DNAH6: variants seen among roughly 807,000 people sequenced by gnomAD.
DNAH6 encodes the protein axonemal beta dynein heavy chain 6.
A neutral mutation model predicts 491.4 loss-of-function variants in DNAH6; 340 were observed. That is an observed-to-expected ratio of 0.69 (90% CI 0.63 to 0.76). DNAH6 has a LOEUF of 0.76. Ranked by LOEUF, DNAH6 falls within the 30% of genes least tolerant of loss-of-function variation. The probability of loss-of-function intolerance (pLI) is 0.00; values close to 1 mark genes in which losing one functional copy is unlikely to be tolerated. For missense variants in DNAH6, 4,443 were observed against 4,972.2 expected (o/e 0.89, Z 3.20); for synonymous variants, 1,603 against 1,686.1 (o/e 0.95, Z 1.21).
chr2:84,556,143 T>C (rs1413757077), intron 10 of DNAH6, among the ~76,000 whole-genome samples: 1 of 152,216 alleles, frequency 6.6e-6, no homozygotes, highest in Non-Finnish European at 1.5e-5. Flanking sequence ...GATATACATT[T>C]GTATATTAAC....
At chr2:84,759,602 G>A (rs1429186238) in intron 63 of DNAH6, among the ~76,000 whole-genome samples, 1 of 151,980 alleles carries the variant, frequency 6.6e-6, no homozygotes, top group East Asian at 1.9e-4. Flanking sequence ...AAACACTGAA[G>A]AAAGAAATTG....
chr2:84,669,396 A>AT lies in DNAH6; in HGVS notation c.6198dup (p.Glu2067Ter). ...CTTTCAAATACAACCGAGATGTTCCATTTTTTGAAATGCTTGTCCCCACAA... is the reference window on the plus strand; with the variant it reads ...CTTTCAAATACAACCGAGATGTTCCATTTTTTTGAAATGCTTGTCCCCACAA... On this transcript the variant is annotated frameshift_variant, in exon 38 of 77. Transcript: ENST00000389394. LOFTEE classifies it high-confidence loss of function. 1 of 1,552,018 alleles carries AT rather than the reference A, an allele frequency of 6.4e-7. No homozygotes were observed. Among genetic ancestry groups the AT allele is most frequent in the Non-Finnish European group, 8.7e-7 (1 of 1,147,034 alleles).
intron 31 of DNAH6, among the ~76,000 whole-genome samples, chr2:84,639,090 A>T (rs939463897): frequency 1.3e-5 from 2 of 152,150 alleles, no homozygotes; most frequent in Non-Finnish European, 2.9e-5. Context: ...AAACATCCAA[A>T]CTATGTCAAT....
At chr2:84,518,370 C>T (rs1015783727) in intron 2 of DNAH6, among the ~76,000 whole-genome samples, 2 of 152,124 alleles carry the variant, frequency 1.3e-5, no homozygotes, top group African/African-American at 4.8e-5. Context: ...CCATTTAACA[C>T]TGAGAAGTTT....
chr2:84,711,297 C>A (rs13410514), intron 56 of DNAH6, among the ~76,000 whole-genome samples: 3 of 152,058 alleles, frequency 2.0e-5, no homozygotes, highest in African/African-American at 7.3e-5. Context: ...CACAAAGGCC[C>A]TGGGCACAAA....
At chr2:84,636,699 G>C (rs1558832080) in intron 30 of DNAH6, among the ~76,000 whole-genome samples, 1 of 152,148 alleles carries the variant, frequency 6.6e-6, no homozygotes, top group Non-Finnish European at 1.5e-5. Context: ...TGGGAGTGGA[G>C]AAGGTTTAAT....
At chr2:84,549,864 T>G in intron 8 of DNAH6, 25 bp from the exon 9 acceptor site, 2 of 1,562,254 alleles carry the variant, frequency 1.3e-6, no homozygotes, top group Non-Finnish European at 1.7e-6. Flanking sequence ...AAACCGAAAT[T>G]GTATTAGTTT....
At chr2:84,782,246 G>A (rs925651283) in intron 65 of DNAH6, among the ~76,000 whole-genome samples, 1 of 152,136 alleles carries the variant, frequency 6.6e-6, no homozygotes, top group African/African-American at 2.4e-5. Context: ...TCATTTTAAA[G>A]TGTTACTATA....
At chr2:84,620,378 C>T (rs1457604413) in intron 24 of DNAH6, among the ~76,000 whole-genome samples, 1 of 152,166 alleles carries the variant, frequency 6.6e-6, no homozygotes, top group Non-Finnish European at 1.5e-5. Context: ...TAGTTGCTGG[C>T]AGCAGCATCT....
chr2:84,534,726 C>A (rs1677519900), intron 4 of DNAH6, among the ~76,000 whole-genome samples: 2 of 151,858 alleles, frequency 1.3e-5, no homozygotes, highest in South Asian at 4.2e-4. Context: ...TTTGATGTTA[C>A]CAACTGGGAA....
At chr2:84,604,298 A>G (rs967146490) in intron 18 of DNAH6, 41 bp from the exon 19 acceptor site, 3 of 1,459,282 alleles carry the variant, frequency 2.1e-6, no homozygotes, top group African/African-American at 2.8e-5. Flanking sequence ...TATATTTTTA[A>G]GATAAAAAGC....
At chr2:84,508,006 AG>A in the DNAH6 span, among the ~76,000 whole-genome samples, 1 of 152,204 alleles carries the variant, frequency 6.6e-6, no homozygotes, top group Non-Finnish European at 1.5e-5. Flanking sequence ...GATGTTCATC[AG>A]GGATATTGGT....
Position 84,658,325 on chromosome 2 carries a change from CT to C in DNAH6, c.5795del (p.Phe1932SerfsTer38). The part of the protein sequence containing the change: ...TEETQEYILN[L>X]FQRYVDEGLH... The stretch of plus-strand genomic sequence containing the variant: ...GGAAACCCAAGAATATATATTGAAT[CT>C]TTTCCAACGTTATGTTGATGAAGGT... On this transcript the variant is annotated frameshift_variant, in exon 36 of 77. Coordinates refer to ENST00000389394, the MANE Select transcript of DNAH6 (RefSeq NM_001370.2). LOFTEE classifies it high-confidence loss of function. 1 of 1,540,568 alleles carries C rather than the reference CT, an allele frequency of 6.5e-7. No individual in the cohort carries two copies. The highest frequency in any genetic ancestry group is 8.8e-7 in the Non-Finnish European group (1 of 1,142,298).
intron 63 of DNAH6, among the ~76,000 whole-genome samples, chr2:84,746,388 C>G (rs1163956158): frequency 2.0e-5 from 3 of 151,740 alleles, no homozygotes; most frequent in African/African-American, 7.3e-5. Context: ...AGGAAAAGCT[C>G]TAGGAGAAAA....
chr2:84,619,630 G>C, intron 23 of DNAH6, 55 bp from the exon 24 acceptor site: 1 of 1,464,380 alleles, frequency 6.8e-7, no homozygotes, highest in East Asian at 2.5e-5. Context: ...TTTTATGTCT[G>C]TCTAAGACTT....
At chr2:84,796,492 T>C in intron 69 of DNAH6, 67 bp downstream of exon 69, 1 of 1,354,386 alleles carries the variant, frequency 7.4e-7, no homozygotes, top group Non-Finnish European at 9.8e-7. Context: ...TCTCTCAGTT[T>C]CCCACCCAGG....
At chr2:84,753,786 T>C (rs1673714382) in intron 63 of DNAH6, among the ~76,000 whole-genome samples, 1 of 138,484 alleles carries the variant, frequency 7.2e-6, no homozygotes, top group Non-Finnish European at 1.5e-5. Flanking sequence ...AAAAGTACAG[T>C]TTTGGCTCTT....
In DNAH6 at chr2:84,669,377, A is replaced by C. The variant is rs1449654436; in HGVS notation, c.6173A>C (p.Lys2058Thr). Residue 2058 changes from lysine to threonine, a missense_variant, in exon 38 of 77, where the codon AAA becomes ACA. By Grantham distance (78) the Lys-to-Thr change is moderately conservative. This residue lies in a region of DNAH6 where 2,977 missense variants were observed against 3,296.6 expected (regional missense o/e 0.90). Transcript: ENST00000389394. ...DPWERIIPTF[K>T]YNRDVPFFEM... The stretch of plus-strand genomic sequence containing the variant: ...TGGGAACGAATCATACCTACTTTCA[A>C]ATACAACCGAGATGTTCCATTTTTT... 2 of 1,551,846 alleles carry C rather than the reference A, an allele frequency of 1.3e-6. No individual in the cohort carries two copies. The highest frequency in any genetic ancestry group is 1.7e-6 in the Non-Finnish European group (2 of 1,147,038).
chr2:84,633,242 T>C (rs1384008694), intron 29 of DNAH6, among the ~76,000 whole-genome samples: 2 of 152,204 alleles, frequency 1.3e-5, no homozygotes, highest in Admixed American at 1.3e-4. Context: ...GGAACCATCT[T>C]TCTCTCCTTG....
Sources: allele counts gnomAD v4.1 joint callset (sites outside exome capture counted in the v4.1 genomes callset), GRCh38; gene constraint gnomAD v4.1.1; regional missense constraint gnomAD v4.1.1; transcripts MANE v1.5; gene names NCBI Gene and HGNC (gene_info 2026-07-23, HGNC 2026-07-21).